Variants in TENM4 observed in about 807,000 individuals in gnomAD.
TENM4 encodes the protein teneurin-4.
Under a neutral mutation model 243.3 loss-of-function variants are expected in TENM4, and 82 were observed. That is an observed-to-expected ratio of 0.34 (90% confidence interval 0.28 to 0.40). TENM4 has a LOEUF of 0.40. TENM4 is among the 10% of genes least tolerant of loss of function. TENM4 has a pLI of 1.00. For missense variants in TENM4, 3,138 were observed against 3,673.3 expected (o/e 0.85, Z 3.77); for synonymous variants, 1,412 against 1,456.3 (o/e 0.97, Z 0.69).
Position 78,764,787 on chromosome 11 carries a change from C to T in TENM4, c.2539+6205G>A, listed in dbSNP as rs117804849. ...TTTGGTGTAGTGGGGCAGACAGAGA[C>T]AATTGAGTGCTGGAGAAGAAGGAAG... On this transcript the variant is annotated intron_variant, in intron 18 of 33. Transcript: ENST00000278550. Among the ~76,000 whole-genome samples, 30 of 152,198 alleles carry T rather than the reference C, an allele frequency of 2.0e-4. No individual in the cohort carries two copies. The East Asian group carries it at 5.8e-3, about 29-fold the overall frequency.
intron 3 of TENM4, among the ~76,000 whole-genome samples, chr11:79,211,122 G>A (rs1863946652): frequency 6.6e-6 from 1 of 152,068 alleles, no homozygotes; most frequent in Non-Finnish European, 1.5e-5. Flanking sequence ...TTGGAAAGAT[G>A]GTAAGAAAGG....
chr11:79,392,558 T>C (rs1031091158), intron 1 of TENM4, among the ~76,000 whole-genome samples: 3 of 152,202 alleles, frequency 2.0e-5, no homozygotes, highest in Admixed American at 1.3e-4. Flanking sequence ...AACCAGGATA[T>C]AGGCAATCAA....
rs542679116 is a variant in TENM4 at position 79,316,506 on chromosome 11, T to A, written c.-320-18963A>T. ...CCCAGTTGTACAGAGAAGACTGGGT[T>A]GAGTATTACTGTCTGCAGAGTTACT... On this transcript the variant is annotated intron_variant, in intron 1 of 33. Transcript: ENST00000278550. Among the ~76,000 whole-genome samples, 465 of 152,326 alleles carry A rather than the reference T, an allele frequency of 3.1e-3. 5 individuals carry two copies. Among genetic ancestry groups the A allele is most frequent in the African/African-American group, 0.011 (447 of 41,582 alleles).
Position 78,889,986 on chromosome 11 carries a change from G to T in TENM4, c.883C>A (p.Leu295Ile). The change falls in exon 9 of 34, where the codon CTC becomes ATC. Residue 295 changes from leucine (L) to isoleucine (I), a missense_variant. Leu to Ile is a conservative substitution (Grantham distance 5). This residue lies in a region of TENM4 where 671 missense variants were observed against 614.1 expected (regional missense o/e 1.09). Transcript: ENST00000278550. ...TACCCTGGTGATGTGGTGCAGAAGA[G>T]CGGGGAGGTGCCTCCAGGCTTGAAG... ...FLFKPGGTSP[L>I]FCTTSPGYPL... 1 of 1,548,112 alleles carries T rather than the reference G, an allele frequency of 6.5e-7. No individual in the cohort carries two copies. Among genetic ancestry groups the T allele is most frequent in the Non-Finnish European group, 8.7e-7 (1 of 1,144,344 alleles).
At chr11:79,007,413 G>C (rs114902703) in intron 6 of TENM4, among the ~76,000 whole-genome samples, 1,609 of 152,230 alleles carry the variant, frequency 0.011, 24 homozygotes, top group African/African-American at 0.036. Flanking sequence ...GGGTGACAAA[G>C]CTGACTGGGG....
intron 8 of TENM4, 85 bp downstream of exon 8, chr11:78,891,153 C>T: frequency 7.8e-7 from 1 of 1,281,120 alleles, no homozygotes; most frequent in Non-Finnish European, 1.1e-6. Flanking sequence ...CCAGAAGATC[C>T]CAGGGAAAGG....
intron 7 of TENM4, among the ~76,000 whole-genome samples, chr11:78,892,996 G>A (rs642844): frequency 0.28 from 42,613 of 152,160 alleles, 6,397 homozygotes; most frequent in African/African-American, 0.37. Context: ...ATCCCCTTTC[G>A]TTAACATCCC....
chr11:79,400,732 C>T (rs1389669818), intron 1 of TENM4, among the ~76,000 whole-genome samples: 1 of 152,202 alleles, frequency 6.6e-6, no homozygotes, highest in African/African-American at 2.4e-5. Context: ...TAGCACAGTG[C>T]CTGCACAGAG....
At chr11:78,862,053 C>T (rs1285279444) in intron 10 of TENM4, among the ~76,000 whole-genome samples, 1 of 152,168 alleles carries the variant, frequency 6.6e-6, no homozygotes, top group Non-Finnish European at 1.5e-5. Context: ...CTATGGATAT[C>T]CCACTCAGGA....
intron 1 of TENM4, among the ~76,000 whole-genome samples, chr11:79,328,108 T>A (rs965306880): frequency 6.6e-6 from 1 of 152,190 alleles, no homozygotes; most frequent in South Asian, 2.1e-4. Flanking sequence ...ATCCTAACAT[T>A]TAGCCATCAG....
chr11:78,747,147 G>A (rs1856068488), intron 19 of TENM4, among the ~76,000 whole-genome samples: 1 of 152,200 alleles, frequency 6.6e-6, no homozygotes, highest in African/African-American at 2.4e-5. Flanking sequence ...TGAGGGAGGA[G>A]GGGCTGACAG....
intron 26 of TENM4, among the ~76,000 whole-genome samples, chr11:78,710,298 G>T (rs891922787): frequency 6.6e-6 from 1 of 152,208 alleles, no homozygotes; most frequent in Non-Finnish European, 1.5e-5. Flanking sequence ...ATGAGAAAGT[G>T]GCTGGCACTT....
intron 4 of TENM4, among the ~76,000 whole-genome samples, chr11:79,141,865 T>C (rs960658963): frequency 6.6e-6 from 1 of 152,126 alleles, no homozygotes; most frequent in Non-Finnish European, 1.5e-5. Flanking sequence ...CAATGTGATA[T>C]ATCATATTAA....
intron 4 of TENM4, among the ~76,000 whole-genome samples, chr11:79,105,734 A>T (rs1198806754): frequency 6.6e-6 from 1 of 152,188 alleles, no homozygotes; most frequent in African/African-American, 2.4e-5. Context: ...CCAAACTTCA[A>T]TTTGGCAGCT....
intron 2 of TENM4, among the ~76,000 whole-genome samples, chr11:79,241,478 A>G (rs1043541095): frequency 3.9e-5 from 6 of 152,172 alleles, no homozygotes; most frequent in Non-Finnish European, 8.8e-5. Context: ...CGATGAGACC[A>G]TCAGGCTCAC....
intron 1 of TENM4, among the ~76,000 whole-genome samples, chr11:79,376,232 C>T (rs962279790): frequency 1.6e-4 from 24 of 152,146 alleles, no homozygotes; most frequent in Non-Finnish European, 5.9e-5. Flanking sequence ...GTGGGTTTCA[C>T]CTATGTGGAT....
intron 7 of TENM4, among the ~76,000 whole-genome samples, chr11:78,901,811 C>T (rs1467946384): frequency 2.0e-5 from 3 of 152,200 alleles, no homozygotes; most frequent in Non-Finnish European, 4.4e-5. Flanking sequence ...AGGATGCCAA[C>T]AGAAATAATA....
intron 6 of TENM4, among the ~76,000 whole-genome samples, chr11:79,055,081 C>T (rs539277801): frequency 5.3e-5 from 8 of 149,850 alleles, no homozygotes; most frequent in South Asian, 4.2e-4. Context: ...GAGCCAAGAT[C>T]GCGCCACTGC....
At position 78,903,525 on chromosome 11, in the gene TENM4, T is replaced by C; in HGVS notation, c.494-2A>G. The C allele has an allele frequency of 6.5e-7, 1 of 1,545,728 alleles. No homozygotes were observed. The highest frequency in any genetic ancestry group is 8.7e-7 in the Non-Finnish European group (1 of 1,146,586). On this transcript the variant is annotated splice_acceptor_variant, in intron 6 of 33. Coordinates refer to ENST00000278550, the MANE Select transcript of TENM4 (RefSeq NM_001098816.3). LOFTEE classifies it high-confidence loss of function. ...GGTTCTGCAGGCCGCCCGGATGATC[T>C]AGGGCACAAACATGGCGGTCAGCGG...
Sources: gnomAD v4.1 joint callset for allele counts (sites outside exome capture counted in the v4.1 genomes callset) on GRCh38, gnomAD v4.1.1 for gene constraint, gnomAD v4.1.1 regional missense constraint, MANE v1.5 for transcripts, NCBI Gene and HGNC (gene_info 2026-07-23, HGNC 2026-07-21) for gene names.